MGLL: variants seen among roughly 807,000 people sequenced by gnomAD.
The protein encoded by MGLL is monoglyceride lipase.
MGLL carries 7 observed loss-of-function variants against 29.1 expected under a neutral mutation model. The ratio of observed to expected loss-of-function variants is 0.24; its 90% CI spans 0.14 to 0.45. MGLL has a LOEUF of 0.45. Among genes scored for constraint, MGLL ranks in the 20% least tolerant of loss-of-function variants. The pLI, the probability that MGLL is intolerant of heterozygous loss-of-function variation, is 0.99. For missense variants in MGLL, 356 were observed against 413.6 expected (o/e 0.86, Z 1.21); for synonymous variants, 148 against 168.3 (o/e 0.88, Z 0.93).
rs560754159 is a variant in MGLL, at chr3:127,698,617, CA to C, written c.601-3428del. On this transcript the variant is annotated intron_variant, in intron 6 of 7. Coordinates refer to ENST00000265052, the MANE Select transcript of MGLL (RefSeq NM_007283.7). Reference sequence around the variant, plus strand: ...GGCGAGTGGGGAGGGGATGCAGCTGCAAAAGGGCAACATGAGGGGTCCTTGT... The same window carrying C: ...GGCGAGTGGGGAGGGGATGCAGCTGCAAAGGGCAACATGAGGGGTCCTTGT... 1.9e-3 allele frequency among the ~76,000 whole-genome samples: 289 copies of C among 152,148 alleles called. 4 individuals are homozygous for C. Among genetic ancestry groups the C allele is most frequent in the African/African-American group, 6.5e-3 (269 of 41,494 alleles).
Position 127,722,302 on chromosome 3 carries a change from G to C in MGLL, c.399+128C>G, listed in dbSNP as rs73859591. 2.2e-5 allele frequency: 29 copies of C among 1,342,638 alleles called. No homozygotes were observed. The African/African-American group carries it at 4.2e-4, about 19-fold the overall frequency. The allele number at this position is 1,342,638 out of a possible 1,614,324, so 83.2% of individuals were successfully genotyped here. The stretch of plus-strand genomic sequence containing the variant: ...ATTGCCCAGGAACTCCAAGTGCAGT[G>C]CACAAAGGGAGACATCATGCCAGCC... On this transcript the variant is annotated intron_variant, in intron 4 of 7. Coordinates refer to ENST00000265052, the MANE Select transcript of MGLL (RefSeq NM_007283.7).
chr3:127,775,221 C>T (rs988713428), intron 3 of MGLL, among the ~76,000 whole-genome samples: 9 of 152,108 alleles, frequency 5.9e-5, no homozygotes, highest in Admixed American at 4.6e-4. Context: ...CACCCACCCT[C>T]GGAGTTGGGC....
intron 3 of MGLL, among the ~76,000 whole-genome samples, chr3:127,730,760 G>T (rs1183812137): frequency 6.6e-6 from 1 of 152,216 alleles, no homozygotes; most frequent in Non-Finnish European, 1.5e-5. Flanking sequence ...TAGATGGAGG[G>T]TCCTGAGAGC....
intron 3 of MGLL, among the ~76,000 whole-genome samples, chr3:127,736,900 G>A (rs1255283783): frequency 6.6e-6 from 1 of 152,092 alleles, no homozygotes; most frequent in African/African-American, 2.4e-5. Context: ...TCACCTTGTT[G>A]GCCAGGCTGG....
chr3:127,744,220 A>G (rs2076398222), intron 3 of MGLL, among the ~76,000 whole-genome samples: 1 of 152,156 alleles, frequency 6.6e-6, no homozygotes, highest in African/African-American at 2.4e-5. Context: ...TCAGGATTTC[A>G]TATTTAGAAG....
At position 127,792,905 on chromosome 3, in the gene MGLL, T is replaced by G. The variant is rs113427523; in HGVS notation, c.156-11010A>C. Among the ~76,000 whole-genome samples, 371 of 152,338 alleles carry G rather than the reference T, an allele frequency of 2.4e-3. 1 individual carries two copies. The highest frequency in any genetic ancestry group is 8.2e-3 in the African/African-American group (340 of 41,582). On this transcript the variant is annotated intron_variant, in intron 2 of 7. Transcript: ENST00000265052. ...GCCTCTTTACACACATGGCAGGTTT[T>G]CTGGCCCGTGTTTTGCTTTTTAACA...
intron 6 of MGLL, among the ~76,000 whole-genome samples, chr3:127,702,892 A>G (rs1180399621): frequency 1.3e-5 from 2 of 152,060 alleles, no homozygotes; most frequent in East Asian, 3.9e-4. Context: ...ACGGGGTTTC[A>G]CCATGTTGGC....
intron 5 of MGLL, among the ~76,000 whole-genome samples, chr3:127,719,469 A>G (rs774830216): frequency 1.4e-4 from 21 of 152,362 alleles, no homozygotes; most frequent in Admixed American, 6.5e-4. Flanking sequence ...AAGTGCTGCT[A>G]CAACCTGCTC....
Position 127,692,094 on chromosome 3 carries a change from A to ATCTTT in MGLL, c.*103_*104insAAAGA. Reference sequence around the variant, plus strand: ...GTGCTAAGGATTTCTCCAATTTCTGATTTTTTTTTTTTTTTTTTTTTGGCA... The same window carrying ATCTTT: ...GTGCTAAGGATTTCTCCAATTTCTGATCTTTTTTTTTTTTTTTTTTTTTTTTGGCA... On this transcript the variant is annotated 3_prime_UTR_variant, in exon 8 of 8. Transcript: ENST00000265052. 1 of 706,646 alleles carries ATCTTT rather than the reference A, an allele frequency of 1.4e-6. No homozygotes were observed. The allele number at this position is 706,646 out of a possible 1,614,324, so 43.8% of individuals were successfully genotyped here. A position where few individuals can be genotyped will look rare whatever the true frequency, so the allele number is the denominator to read the frequency against.
intron 5 of MGLL, among the ~76,000 whole-genome samples, chr3:127,717,854 C>T (rs1338167421): frequency 6.6e-6 from 1 of 152,148 alleles, no homozygotes; most frequent in Non-Finnish European, 1.5e-5. Context: ...AGCTGGGGGG[C>T]CACAGTTCCA....
chr3:127,760,018 G>A (rs1014581810), intron 3 of MGLL, among the ~76,000 whole-genome samples: 13 of 152,198 alleles, frequency 8.5e-5, no homozygotes, highest in African/African-American at 3.1e-4. Flanking sequence ...CTGCTTAGAC[G>A]GCTTGGTTTT....
intron 3 of MGLL, among the ~76,000 whole-genome samples, chr3:127,775,783 C>T (rs995064941): frequency 1.3e-5 from 2 of 152,306 alleles, no homozygotes; most frequent in South Asian, 4.1e-4. Context: ...GGGGAAGGGC[C>T]CTTTCCAGCA....
At chr3:127,786,679 T>C (rs936877347) in intron 2 of MGLL, among the ~76,000 whole-genome samples, 2 of 152,252 alleles carry the variant, frequency 1.3e-5, no homozygotes, top group Non-Finnish European at 2.9e-5. Flanking sequence ...TATGCCTTTG[T>C]TTATTAATCA....
intron 2 of MGLL, chr3:127,784,154 T>C (rs1044793116): frequency 6.6e-6 from 1 of 152,196 alleles, no homozygotes; most frequent in African/African-American, 2.4e-5. Context: ...CAAGTCAATA[T>C]GTGGAAAAAC....
At chr3:127,732,199 G>A (rs530395861) in intron 3 of MGLL, among the ~76,000 whole-genome samples, 1 of 152,214 alleles carries the variant, frequency 6.6e-6, no homozygotes, top group Non-Finnish European at 1.5e-5. Context: ...AAAGTGAGAC[G>A]AAGCCTTTAA....
chr3:127,738,352 A>C (rs1354534236), intron 3 of MGLL, among the ~76,000 whole-genome samples: 1 of 152,010 alleles, frequency 6.6e-6, no homozygotes, highest in Non-Finnish European at 1.5e-5. Flanking sequence ...AGGAAATGGT[A>C]ACCTAGATCT....
At chr3:127,705,361 G>C (rs544076365) in intron 6 of MGLL, among the ~76,000 whole-genome samples, 1 of 151,550 alleles carries the variant, frequency 6.6e-6, no homozygotes, top group Admixed American at 6.6e-5. Flanking sequence ...CACATCCTGC[G>C]TATGTATCCT....
intron 3 of MGLL, among the ~76,000 whole-genome samples, chr3:127,765,850 GAA>G (rs1359481218): frequency 6.6e-6 from 1 of 151,250 alleles, no homozygotes; most frequent in African/African-American, 2.4e-5. Context: ...TCAGGGAACT[GAA>G]AAAAAAAGTT....
intron 2 of MGLL, among the ~76,000 whole-genome samples, chr3:127,785,704 AC>A (rs371622706): frequency 6.6e-6 from 1 of 152,220 alleles, no homozygotes; most frequent in African/African-American, 2.4e-5. Flanking sequence ...AGTGGGTCCT[AC>A]TTTTCTTCAG....
Sources: allele counts gnomAD v4.1 joint callset (sites outside exome capture counted in the v4.1 genomes callset), GRCh38; gene constraint gnomAD v4.1.1; transcripts MANE v1.5; gene names NCBI Gene and HGNC (gene_info 2026-07-23, HGNC 2026-07-21).